Variants in CDK14 observed in about 807,000 individuals in gnomAD.
The protein encoded by CDK14 is cyclin-dependent kinase 14.
A neutral mutation model predicts 60.7 loss-of-function variants in CDK14; 34 were observed. The observed-to-expected ratio is 0.56, with a 90% CI of 0.43 to 0.75. The LOEUF is 0.75. CDK14 is among the 30% of genes least tolerant of loss of function. The probability of loss-of-function intolerance (pLI) is 0.00; values close to 1 mark genes in which losing one functional copy is unlikely to be tolerated. For missense variants in CDK14, 482 were observed against 564.1 expected (o/e 0.85, Z 1.47); for synonymous variants, 197 against 203.7 (o/e 0.97, Z 0.28).
At chr7:91,205,024 G>C (rs1012777120) in intron 14 of CDK14, among the ~76,000 whole-genome samples, 3 of 152,088 alleles carry the variant, frequency 2.0e-5, no homozygotes, top group Admixed American at 2.0e-4. Flanking sequence ...CACTAGGATG[G>C]CTATAATTTT....
chr7:91,099,243 G>A (rs1431717158), intron 12 of CDK14, among the ~76,000 whole-genome samples: 1 of 152,064 alleles, frequency 6.6e-6, no homozygotes, highest in Non-Finnish European at 1.5e-5. Context: ...CTCTGATGGT[G>A]AAAATGTTTT....
At chr7:91,112,843 G>GTA (rs1799507258) in intron 13 of CDK14, among the ~76,000 whole-genome samples, 162 bp downstream of exon 13, 1 of 149,424 alleles carries the variant, frequency 6.7e-6, no homozygotes, top group Non-Finnish European at 1.5e-5. Flanking sequence ...GTGTGTGTGT[G>GTA]TGTATGTGTG....
At chr7:90,990,215 C>T (rs1795490109) in intron 10 of CDK14, among the ~76,000 whole-genome samples, 1 of 152,072 alleles carries the variant, frequency 6.6e-6, no homozygotes, top group South Asian at 2.1e-4. Context: ...GAGTTCAAGG[C>T]TGCAGTGAGC....
intron 14 of CDK14, among the ~76,000 whole-genome samples, chr7:91,120,618 C>T (rs1283629599): frequency 2.6e-5 from 4 of 151,216 alleles, no homozygotes; most frequent in Non-Finnish European, 4.4e-5. Context: ...TCTGCAACCT[C>T]TGCCCCCGCC....
intron 5 of CDK14, among the ~76,000 whole-genome samples, chr7:90,838,346 T>C: frequency 6.6e-6 from 1 of 152,228 alleles, no homozygotes; most frequent in East Asian, 1.9e-4. Flanking sequence ...CCTGCGATGA[T>C]TGCGTTAACT....
chr7:90,865,214 C>G (rs1465056164), intron 6 of CDK14, among the ~76,000 whole-genome samples: 2 of 151,930 alleles, frequency 1.3e-5, no homozygotes. Flanking sequence ...AGTTGAATTC[C>G]TGAAATCAGC....
intron 5 of CDK14, among the ~76,000 whole-genome samples, chr7:90,836,852 T>C (rs563408279): frequency 1.3e-5 from 2 of 152,332 alleles, no homozygotes; most frequent in Admixed American, 6.5e-5. Context: ...AGCTCTATCA[T>C]AATCTTATGT....
In CDK14 at chr7:90,990,556, G is replaced by A. The variant is rs146994298; in HGVS notation, c.1041+6315G>A. 3.5e-3 allele frequency among the ~76,000 whole-genome samples: 528 copies of A among 152,130 alleles called. 1 individual carries two copies. The highest frequency in any genetic ancestry group is 6.0e-3 in the Non-Finnish European group (406 of 68,000). On this transcript the variant is annotated intron_variant, in intron 10 of 14. Transcript: ENST00000380050. ...AAAAATCTTTTTCAGAGAATCAACT[G>A]TATATAAGTAAAAGAAACGTATGAG... is the stretch of plus-strand genomic sequence containing the variant.
rs532333581 is a variant in CDK14, at chr7:90,880,992, A to G, written c.639+17723A>G. On this transcript the variant is annotated intron_variant, in intron 6 of 14. Transcript: ENST00000380050. ...AACTCATGAAGATGAGAAAGAATCA[A>G]TGAAAAAATGCTAAAAACCCAAAAG... is the stretch of plus-strand genomic sequence containing the variant. 2.0e-3 allele frequency among the ~76,000 whole-genome samples: 312 copies of G among 152,286 alleles called. 13 individuals are homozygous for G. Among genetic ancestry groups the G allele is most frequent in the Non-Finnish European group, 1.2e-3 (82 of 68,020 alleles).
chr7:91,087,922 C>T (rs951984580), intron 12 of CDK14, among the ~76,000 whole-genome samples: 1 of 152,116 alleles, frequency 6.6e-6, no homozygotes, highest in African/African-American at 2.4e-5. Context: ...TAATGCAATA[C>T]TGTGATTTGT....
At chr7:90,598,722 T>TTTTTTTTTTTTTTTA (rs58589657) in intron 1 of CDK14, among the ~76,000 whole-genome samples, 3 of 135,756 alleles carry the variant, frequency 2.2e-5, no homozygotes, top group Admixed American at 1.5e-4. Context: ...TTTTTTTTTT[T>TTTTTTTTTTTTTTTA]GAGACGGAGT....
intron 5 of CDK14, among the ~76,000 whole-genome samples, chr7:90,818,963 A>G (rs1167655940): frequency 1.3e-5 from 2 of 152,064 alleles, no homozygotes; most frequent in Admixed American, 6.6e-5. Context: ...AATATTATAC[A>G]TATTGCTGTA....
intron 7 of CDK14, among the ~76,000 whole-genome samples, chr7:90,902,585 C>T (rs1792547111): frequency 6.6e-6 from 1 of 152,062 alleles, no homozygotes; most frequent in South Asian, 2.1e-4. Context: ...TTATTTTTCA[C>T]CGTATATAAA....
chr7:90,599,528 A>G (rs1016583451), intron 1 of CDK14, among the ~76,000 whole-genome samples: 13 of 152,226 alleles, frequency 8.5e-5, no homozygotes, highest in Admixed American at 1.3e-4. Flanking sequence ...ACTAAATCGG[A>G]TAAAACACCT....
At chr7:90,851,721 G>A (rs1401927572) in intron 5 of CDK14, among the ~76,000 whole-genome samples, 2 of 151,842 alleles carry the variant, frequency 1.3e-5, no homozygotes, top group East Asian at 3.9e-4. Context: ...AGAATTTAAG[G>A]CCATAATAGA....
At chr7:90,689,533 G>T (rs928026189) in intron 2 of CDK14, among the ~76,000 whole-genome samples, 3 of 151,996 alleles carry the variant, frequency 2.0e-5, no homozygotes, top group African/African-American at 7.2e-5. Context: ...GTGAGCCCTT[G>T]GTCTCCTTTG....
chr7:91,198,490 C>T (rs1196077678), intron 14 of CDK14, among the ~76,000 whole-genome samples: 1 of 152,118 alleles, frequency 6.6e-6, no homozygotes. Context: ...CCAAACCAAA[C>T]GAAAAGAAAG....
intron 7 of CDK14, among the ~76,000 whole-genome samples, chr7:90,902,455 A>G (rs1792540408): frequency 6.6e-6 from 1 of 152,136 alleles, no homozygotes; most frequent in Non-Finnish European, 1.5e-5. Flanking sequence ...TAATCTGCAT[A>G]CCTATAGTCA....
intron 14 of CDK14, among the ~76,000 whole-genome samples, chr7:91,188,807 T>C (rs1425957715): frequency 6.6e-6 from 1 of 152,244 alleles, no homozygotes; most frequent in Admixed American, 6.5e-5. Flanking sequence ...CTACCTTGTG[T>C]AATTGTTGAT....
Sources: allele counts gnomAD v4.1 joint callset (sites outside exome capture counted in the v4.1 genomes callset), GRCh38; gene constraint gnomAD v4.1.1; transcripts MANE v1.5; gene names NCBI Gene and HGNC (gene_info 2026-07-23, HGNC 2026-07-21).